Variants in WWOX observed in about 807,000 individuals in gnomAD.
WWOX encodes WW domain containing oxidoreductase.
Under a neutral mutation model 46.2 loss-of-function variants are expected in WWOX, and 69 were observed. The observed-to-expected ratio is 1.49, with a 90% CI of 1.23 to 1.82. The LOEUF (loss-of-function observed/expected upper bound fraction) is 1.82, where lower values mean the gene tolerates loss of function less well. Among genes scored for constraint, WWOX ranks in the 40% most tolerant of loss-of-function variants. WWOX has a pLI of 0.00. For synonymous variants in WWOX, 359 were observed against 202.6 expected, an observed-to-expected ratio of 1.77 and a Z score of -6.56; for missense variants, 919 against 542.6, an observed-to-expected ratio of 1.69 and a Z score of -6.89.
chr16:79,133,062 C>T (rs767218658), intron 8 of WWOX, among the ~76,000 whole-genome samples: 4 of 152,170 alleles, frequency 2.6e-5, no homozygotes, highest in Non-Finnish European at 5.9e-5. Context: ...AAAGAAAACA[C>T]ATACATGCAA....
At chr16:78,846,030 A>T (rs1470977883) in intron 8 of WWOX, among the ~76,000 whole-genome samples, 1 of 152,242 alleles carries the variant, frequency 6.6e-6, no homozygotes, top group Non-Finnish European at 1.5e-5. Flanking sequence ...GGCACTGCAC[A>T]GGATGGAAAG....
At chr16:78,352,399 T>C (rs1380290150) in intron 5 of WWOX, among the ~76,000 whole-genome samples, 1 of 152,228 alleles carries the variant, frequency 6.6e-6, no homozygotes. Flanking sequence ...ACACCATTTC[T>C]TTCTGTAGGT....
At chr16:79,190,889 T>C (rs535621843) in intron 8 of WWOX, among the ~76,000 whole-genome samples, 2 of 152,356 alleles carry the variant, frequency 1.3e-5, no homozygotes, top group East Asian at 3.9e-4. Context: ...TTGAGGACTC[T>C]TGAGTTAGAC....
intron 8 of WWOX, among the ~76,000 whole-genome samples, chr16:78,465,548 C>G (rs1034277410): frequency 1.3e-5 from 2 of 152,192 alleles, no homozygotes; most frequent in Non-Finnish European, 2.9e-5. Flanking sequence ...TGGGCAATGT[C>G]CCTGAATGAT....
At chr16:78,359,211 A>G (rs935870104) in intron 5 of WWOX, among the ~76,000 whole-genome samples, 10 of 152,180 alleles carry the variant, frequency 6.6e-5, no homozygotes, top group African/African-American at 2.4e-4. Context: ...TTGCTAGGTG[A>G]GCTGGTATCT....
intron 8 of WWOX, among the ~76,000 whole-genome samples, chr16:78,457,210 G>A (rs1425078756): frequency 3.3e-5 from 5 of 152,080 alleles, no homozygotes; most frequent in Admixed American, 3.3e-4. Flanking sequence ...AACCTTCCTG[G>A]GATCTCAGAT....
intron 8 of WWOX, among the ~76,000 whole-genome samples, chr16:79,176,868 C>A (rs910259475): frequency 4.6e-5 from 7 of 152,088 alleles, no homozygotes; most frequent in Non-Finnish European, 1.0e-4. Context: ...ATATCATCAT[C>A]CATTTATTTC....
chr16:78,946,269 C>A (rs1377434439), intron 8 of WWOX, among the ~76,000 whole-genome samples: 1 of 152,116 alleles, frequency 6.6e-6, no homozygotes, highest in Non-Finnish European at 1.5e-5. Flanking sequence ...CGGCTCACTG[C>A]AGCCTCCAAC....
intron 6 of WWOX, among the ~76,000 whole-genome samples, chr16:78,400,025 T>C (rs2082374722): frequency 6.6e-6 from 1 of 152,224 alleles, no homozygotes. Flanking sequence ...GTTTTTAATA[T>C]TGTGAGTCCT....
At chr16:78,680,459 C>A (rs945250652) in intron 8 of WWOX, among the ~76,000 whole-genome samples, 1 of 151,882 alleles carries the variant, frequency 6.6e-6, no homozygotes, top group Admixed American at 6.6e-5. Context: ...GCTTGAGCCC[C>A]GGGAGGTAGA....
chr16:78,753,137 A>G (rs565449037), intron 8 of WWOX, among the ~76,000 whole-genome samples: 1 of 152,096 alleles, frequency 6.6e-6, no homozygotes, highest in East Asian at 1.9e-4. Context: ...TCTACTAATA[A>G]TACAAAAACA....
At chr16:78,700,163 G>A (rs1041899073) in intron 8 of WWOX, among the ~76,000 whole-genome samples, 2 of 151,770 alleles carry the variant, frequency 1.3e-5, no homozygotes, top group Non-Finnish European at 2.9e-5. Context: ...ACAGAATACC[G>A]TTGACTGGGT....
intron 8 of WWOX, among the ~76,000 whole-genome samples, chr16:78,555,881 G>A (rs747093781): frequency 5.3e-5 from 8 of 152,062 alleles, no homozygotes; most frequent in Admixed American, 2.6e-4. Context: ...CTGCAGAATC[G>A]TGATGTCTCC....
chr16:78,919,242 G>T (rs950043832), intron 8 of WWOX, among the ~76,000 whole-genome samples: 1 of 151,864 alleles, frequency 6.6e-6, no homozygotes, highest in Non-Finnish European at 1.5e-5. Context: ...GTTCTTTCTG[G>T]CAGAGACACC....
At chr16:79,027,245 A>G (rs1447049517) in intron 8 of WWOX, among the ~76,000 whole-genome samples, 3 of 143,224 alleles carry the variant, frequency 2.1e-5, no homozygotes, top group Admixed American at 1.5e-4. Context: ...ATGCCACTGC[A>G]CTTCAGCCTG....
intron 8 of WWOX, among the ~76,000 whole-genome samples, chr16:78,987,835 C>T (rs74514917): frequency 0.013 from 1,921 of 152,266 alleles, 55 homozygotes; most frequent in African/African-American, 0.044. Context: ...ACTTTCCCAC[C>T]TTGCTGTTTA....
At chr16:78,883,760 G>T (rs1027703314) in intron 8 of WWOX, among the ~76,000 whole-genome samples, 3 of 151,712 alleles carry the variant, frequency 2.0e-5, no homozygotes, top group Non-Finnish European at 4.4e-5. Flanking sequence ...TGCAATAAGC[G>T]TACCATGGTC....
At chr16:78,364,306 A>G (rs1304538364) in intron 5 of WWOX, among the ~76,000 whole-genome samples, 1 of 152,196 alleles carries the variant, frequency 6.6e-6, no homozygotes, top group Non-Finnish European at 1.5e-5. Flanking sequence ...GGAATTGGAT[A>G]TTGTCTATCA....
chr16:78,444,104 G>C (rs770092741), intron 8 of WWOX, among the ~76,000 whole-genome samples: 2 of 152,170 alleles, frequency 1.3e-5, no homozygotes, highest in South Asian at 4.1e-4. Context: ...TTTGGAAACG[G>C]AACTCCTCTC....
Sources: allele counts gnomAD v4.1 joint callset (sites outside exome capture counted in the v4.1 genomes callset), GRCh38; gene constraint gnomAD v4.1.1; transcripts MANE v1.5; gene names NCBI Gene and HGNC (gene_info 2026-07-23, HGNC 2026-07-21).